Variants in GRID1 observed in about 807,000 individuals in gnomAD.
GRID1 encodes glutamate ionotropic receptor delta type subunit 1.
GRID1 carries 28 observed loss-of-function variants against 98.0 expected under a neutral mutation model. That is an observed-to-expected ratio of 0.29 (90% confidence interval 0.21 to 0.39). The LOEUF (loss-of-function observed/expected upper bound fraction) is 0.39. Among genes scored for constraint, GRID1 ranks in the 10% least tolerant of loss-of-function variants. The probability of loss-of-function intolerance (pLI) is 1.00; values close to 1 mark genes in which losing one functional copy is unlikely to be tolerated. For missense variants in GRID1, 1,111 were observed against 1,340.5 expected, an observed-to-expected ratio of 0.83 and a Z score of 2.67; for synonymous variants, 553 against 538.5, an observed-to-expected ratio of 1.03 and a Z score of -0.37.
chr10:85,777,237 A>G (rs1842340516), intron 8 of GRID1, among the ~76,000 whole-genome samples: 1 of 152,160 alleles, frequency 6.6e-6, no homozygotes, highest in Admixed American at 6.5e-5. Flanking sequence ...GGCAAAGGCC[A>G]ATGCTACAAA....
intron 13 of GRID1, among the ~76,000 whole-genome samples, chr10:85,625,796 A>T (rs912154404): frequency 1.3e-5 from 2 of 152,196 alleles, no homozygotes; most frequent in African/African-American, 4.8e-5. Flanking sequence ...TCTATAAAAG[A>T]AGCCACAAGT....
chr10:85,917,644 C>T (rs1476940364), intron 4 of GRID1, among the ~76,000 whole-genome samples: 1 of 152,238 alleles, frequency 6.6e-6, no homozygotes, highest in African/African-American at 2.4e-5. Context: ...GGGCCTGTGC[C>T]AACGACCCCA....
intron 4 of GRID1, among the ~76,000 whole-genome samples, chr10:86,046,737 G>C (rs1843429258): frequency 6.6e-6 from 1 of 151,796 alleles, no homozygotes; most frequent in South Asian, 2.1e-4. Flanking sequence ...GGAAATACCA[G>C]TTGCTCATCT....
At chr10:85,732,082 G>T (rs1025744491) in intron 8 of GRID1, among the ~76,000 whole-genome samples, 2 of 152,126 alleles carry the variant, frequency 1.3e-5, no homozygotes, top group Non-Finnish European at 2.9e-5. Context: ...GGGGTTGATT[G>T]CCTCTATTCT....
intron 4 of GRID1, among the ~76,000 whole-genome samples, chr10:86,021,639 A>T (rs1278899004): frequency 2.6e-5 from 4 of 152,054 alleles, no homozygotes; most frequent in Admixed American, 2.6e-4. Context: ...TTACCATCCC[A>T]TGCCTCAGTA....
At chr10:86,150,618 C>T (rs763529758) in intron 3 of GRID1, among the ~76,000 whole-genome samples, 5 of 152,132 alleles carry the variant, frequency 3.3e-5, no homozygotes, top group Non-Finnish European at 2.9e-5. Flanking sequence ...CCAATGATGG[C>T]GTAATCGTAA....
intron 12 of GRID1, among the ~76,000 whole-genome samples, chr10:85,686,569 CAT>C (rs1841271592): frequency 6.6e-6 from 1 of 152,032 alleles, no homozygotes; most frequent in African/African-American, 2.4e-5. Flanking sequence ...AAAGGCAATA[CAT>C]AGAAGATTTC....
chr10:86,271,034 A>C (rs2132061408), intron 2 of GRID1, among the ~76,000 whole-genome samples: 1 of 152,348 alleles, frequency 6.6e-6, no homozygotes, highest in Non-Finnish European at 1.5e-5. Context: ...GTACCAGAGA[A>C]GAGTGATGGG....
chr10:85,690,073 T>C lies in GRID1; in HGVS notation c.1997+32930A>G, dbSNP rs1294971693. Among the ~76,000 whole-genome samples the C allele has an allele frequency of 1.2e-4, 18 of 152,274 alleles. No homozygotes were observed. In the South Asian group the frequency reaches 2.9e-3, roughly 25 times the overall value. On this transcript the variant is annotated intron_variant, in intron 12 of 15. Coordinates refer to ENST00000327946, the MANE Select transcript of GRID1 (RefSeq NM_017551.3). ...GGAATAACACCCAACTTATCAACATTATCTTATGGAGAAAGGTTTTAATAC... is the reference window on the plus strand; with the variant it reads ...GGAATAACACCCAACTTATCAACATCATCTTATGGAGAAAGGTTTTAATAC...
intron 4 of GRID1, among the ~76,000 whole-genome samples, chr10:86,125,568 A>C (rs977531005): frequency 6.6e-6 from 1 of 152,244 alleles, no homozygotes; most frequent in African/African-American, 2.4e-5. Context: ...GCTTCTGGCA[A>C]CTACAGTTGA....
At chr10:86,098,950 A>G (rs1352473197) in intron 4 of GRID1, among the ~76,000 whole-genome samples, 1 of 152,200 alleles carries the variant, frequency 6.6e-6, no homozygotes, top group Admixed American at 6.5e-5. Flanking sequence ...TAATATTAGT[A>G]ATAAAATTTC....
intron 7 of GRID1, 37 bp downstream of exon 7, chr10:85,855,992 G>A (rs780806662): frequency 1.9e-6 from 3 of 1,601,990 alleles, no homozygotes; most frequent in Non-Finnish European, 2.6e-6. Context: ...GAAGGGGCCT[G>A]TCTTTGGCCA....
chr10:85,899,474 C>T (rs1444410442), intron 5 of GRID1, among the ~76,000 whole-genome samples: 2 of 152,162 alleles, frequency 1.3e-5, no homozygotes, highest in East Asian at 1.9e-4. Context: ...TATGATTGAT[C>T]TTGTTAGTGT....
chr10:85,677,348 A>T (rs1173040388), intron 12 of GRID1, among the ~76,000 whole-genome samples: 2 of 152,202 alleles, frequency 1.3e-5, no homozygotes, highest in Admixed American at 1.3e-4. Flanking sequence ...GAAAAGGGAC[A>T]GGCATGAGGC....
chr10:85,840,440 G>A (rs980471705), intron 8 of GRID1, among the ~76,000 whole-genome samples: 9 of 151,994 alleles, frequency 5.9e-5, no homozygotes, highest in Admixed American at 1.3e-4. Context: ...ACAAGGATGC[G>A]CTCTCTCACC....
rs142905630 is a variant in GRID1 at position 85,875,003 on chromosome 10, C to T, written c.781-5823G>A. 2.5e-3 allele frequency among the ~76,000 whole-genome samples: 379 copies of T among 152,204 alleles called. 4 individuals are homozygous for T. Among genetic ancestry groups the T allele is most frequent in the African/African-American group, 8.7e-3 (361 of 41,524 alleles). ...GTCTCAGCCTCCTGAGTAGCTGGGACTACAGTCGCATGCCACTACGCCTGG... is the reference window on the plus strand; with the variant it reads ...GTCTCAGCCTCCTGAGTAGCTGGGATTACAGTCGCATGCCACTACGCCTGG... On this transcript the variant is annotated intron_variant, in intron 5 of 15. Coordinates refer to ENST00000327946, the MANE Select transcript of GRID1 (RefSeq NM_017551.3).
intron 5 of GRID1, among the ~76,000 whole-genome samples, chr10:85,907,426 T>C (rs1841477985): frequency 1.3e-5 from 2 of 152,188 alleles, no homozygotes; most frequent in African/African-American, 4.8e-5. Context: ...CCTATAAATT[T>C]GACAACTTAG....
intron 4 of GRID1, among the ~76,000 whole-genome samples, chr10:85,988,636 G>A (rs928208062): frequency 4.6e-5 from 7 of 152,168 alleles, no homozygotes; most frequent in East Asian, 1.9e-4. Context: ...CTAAGTTCCC[G>A]GGCCTCGGCT....
intron 2 of GRID1, among the ~76,000 whole-genome samples, chr10:86,333,413 A>C (rs1465777061): frequency 1.3e-5 from 2 of 152,152 alleles, no homozygotes; most frequent in Non-Finnish European, 2.9e-5. Context: ...TCCCCACTAG[A>C]CTGGGAACAT....
Sources: allele counts gnomAD v4.1 joint callset (sites outside exome capture counted in the v4.1 genomes callset), GRCh38; gene constraint gnomAD v4.1.1; transcripts MANE v1.5; gene names NCBI Gene and HGNC (gene_info 2026-07-23, HGNC 2026-07-21).